The following TMEFF1 variants were observed in gnomAD, a reference collection of about 807,000 sequenced individuals.
TMEFF1 encodes the protein transmembrane protein with EGF like and two follistatin like domains 1.
A neutral mutation model predicts 47.5 loss-of-function variants in TMEFF1; 20 were observed. The observed-to-expected ratio is 0.42, with a 90% CI of 0.30 to 0.61. The LOEUF (loss-of-function observed/expected upper bound fraction) is 0.61, where lower values mean the gene tolerates loss of function less well. Among genes scored for constraint, TMEFF1 ranks in the 20% least tolerant of loss-of-function variants. The probability of loss-of-function intolerance (pLI) is 0.19; values close to 1 mark genes in which losing one functional copy is unlikely to be tolerated. For missense variants in TMEFF1, 411 were observed against 471.1 expected, an observed-to-expected ratio of 0.87 and a Z score of 1.18; for synonymous variants, 162 against 166.3, an observed-to-expected ratio of 0.97 and a Z score of 0.20.
chr9:100,530,957 A>G (rs550954358), intron 5 of TMEFF1, among the ~76,000 whole-genome samples: 58 of 152,128 alleles, frequency 3.8e-4, no homozygotes, highest in African/African-American at 1.4e-3. Context: ...AATGTAATCC[A>G]GCATATAAAC....
intron 8 of TMEFF1, among the ~76,000 whole-genome samples, chr9:100,567,451 C>T (rs937677641): frequency 6.6e-6 from 1 of 152,228 alleles, no homozygotes; most frequent in African/African-American, 2.4e-5. Flanking sequence ...GTGCATATCA[C>T]CTTCTAACAT....
intron 8 of TMEFF1, among the ~76,000 whole-genome samples, chr9:100,567,720 A>G (rs1362544659): frequency 1.3e-5 from 2 of 152,188 alleles, no homozygotes; most frequent in African/African-American, 4.8e-5. Context: ...TTAATCAGTA[A>G]CAGAAGAAGA....
At chr9:100,531,867 A>G (rs1229976073) in intron 5 of TMEFF1, among the ~76,000 whole-genome samples, 3 of 152,038 alleles carry the variant, frequency 2.0e-5, no homozygotes, top group East Asian at 3.9e-4. Flanking sequence ...TAACCAAAAC[A>G]GCATGGTACT....
At chr9:100,561,038 G>A (rs949388813) in intron 7 of TMEFF1, among the ~76,000 whole-genome samples, 7 of 152,150 alleles carry the variant, frequency 4.6e-5, no homozygotes, top group East Asian at 1.9e-4. Context: ...CCAATTCTAT[G>A]TACACCATCT....
At chr9:100,507,055 G>A (rs2118352454) in intron 2 of TMEFF1, among the ~76,000 whole-genome samples, 1 of 152,082 alleles carries the variant, frequency 6.6e-6, no homozygotes, top group East Asian at 1.9e-4. Context: ...TCCAGTGTCT[G>A]TTGTTCCCAT....
At chr9:100,490,623 C>T (rs377744820) in intron 1 of TMEFF1, among the ~76,000 whole-genome samples, 1 of 151,908 alleles carries the variant, frequency 6.6e-6, no homozygotes, top group East Asian at 1.9e-4. Context: ...GAACTTGGCC[C>T]TTCCTGATAT....
chr9:100,535,826 T>C (rs2118469746), intron 5 of TMEFF1, among the ~76,000 whole-genome samples: 1 of 152,322 alleles, frequency 6.6e-6, no homozygotes, highest in East Asian at 1.9e-4. Context: ...TTTACCAGAT[T>C]GCTCTTTGAA....
intron 8 of TMEFF1, among the ~76,000 whole-genome samples, chr9:100,565,126 T>A (rs1205302613): frequency 6.6e-6 from 1 of 152,144 alleles, no homozygotes; most frequent in Non-Finnish European, 1.5e-5. Flanking sequence ...CTGCTGGATA[T>A]ATTTTAGTTT....
chr9:100,494,613 AAC>A (rs1243316000), intron 1 of TMEFF1, among the ~76,000 whole-genome samples: 1 of 152,136 alleles, frequency 6.6e-6, no homozygotes. Context: ...CAAGGAAAAA[AAC>A]AGAGGAAGAA....
In TMEFF1 at chr9:100,497,320, C is replaced by CTTTTTTTTT. The variant is rs752427622; in HGVS notation, c.197-1429_197-1421dup. 3.6e-3 allele frequency among the ~76,000 whole-genome samples: 213 copies of CTTTTTTTTT among 59,528 alleles called. 23 individuals carry two copies. Among genetic ancestry groups the CTTTTTTTTT allele is most frequent in the African/African-American group, 0.013 (184 of 14,656 alleles). 39.1% of individuals were successfully genotyped at this position (59,528 alleles called of 152,430 possible). On this transcript the variant is annotated intron_variant, in intron 1 of 9. Transcript: ENST00000374879. ...TCTTGCTTTAAGTTTCCACTCATGT[C>CTTTTTTTTT]TTTTTTTTTTTTTTTTTTTTTTTTG... is the stretch of plus-strand genomic sequence containing the variant.
intron 8 of TMEFF1, among the ~76,000 whole-genome samples, chr9:100,570,632 A>G (rs560026616): frequency 6.7e-4 from 99 of 148,838 alleles, no homozygotes; most frequent in Non-Finnish European, 1.3e-3. Flanking sequence ...TCCATGATCC[A>G]CATACCTGCC....
intron 5 of TMEFF1, among the ~76,000 whole-genome samples, chr9:100,533,035 C>T (rs1345544843): frequency 1.5e-5 from 2 of 135,614 alleles, no homozygotes; most frequent in African/African-American, 2.9e-5. Flanking sequence ...GGGAATTGAA[C>T]AATGAGATCA....
intron 2 of TMEFF1, among the ~76,000 whole-genome samples, chr9:100,499,755 A>G (rs1837724184): frequency 6.6e-6 from 1 of 152,332 alleles, no homozygotes; most frequent in South Asian, 2.1e-4. Context: ...ACCCTTACTT[A>G]TGATACTGTA....
intron 4 of TMEFF1, among the ~76,000 whole-genome samples, chr9:100,515,971 G>C (rs868592183): frequency 6.6e-6 from 1 of 152,110 alleles, no homozygotes; most frequent in Non-Finnish European, 1.5e-5. Flanking sequence ...CCCACAAAGT[G>C]TAAGGCCCTT....
chr9:100,488,004 C>T (rs969409565), intron 1 of TMEFF1, among the ~76,000 whole-genome samples: 1 of 151,316 alleles, frequency 6.6e-6, no homozygotes, highest in African/African-American at 2.4e-5. Context: ...GGTGATTTCC[C>T]TGGGTTCTGG....
chr9:100,527,595 C>T (rs1274318500), intron 5 of TMEFF1, among the ~76,000 whole-genome samples: 1 of 152,176 alleles, frequency 6.6e-6, no homozygotes. Flanking sequence ...GTCCTACACC[C>T]ATATAGTCTC....
At chr9:100,476,015 T>A (rs1837221017) in intron 1 of TMEFF1, among the ~76,000 whole-genome samples, 1 of 152,164 alleles carries the variant, frequency 6.6e-6, no homozygotes, top group Non-Finnish European at 1.5e-5. Context: ...ACTTAATTTC[T>A]CTTAGTTTCC....
intron 5 of TMEFF1, among the ~76,000 whole-genome samples, chr9:100,527,200 T>TA (rs927405252): frequency 1.5e-4 from 22 of 151,320 alleles, no homozygotes; most frequent in African/African-American, 5.1e-4. Flanking sequence ...GTTCATGAAT[T>TA]GTCTTTTTAA....
intron 5 of TMEFF1, among the ~76,000 whole-genome samples, chr9:100,521,867 G>A (rs1432673281): frequency 6.6e-6 from 1 of 152,220 alleles, no homozygotes; most frequent in East Asian, 1.9e-4. Flanking sequence ...TAGAGATGCT[G>A]TTTCCATTTA....
Sources: allele counts gnomAD v4.1 joint callset (sites outside exome capture counted in the v4.1 genomes callset), GRCh38; gene constraint gnomAD v4.1.1; transcripts MANE v1.5; gene names NCBI Gene and HGNC (gene_info 2026-07-23, HGNC 2026-07-21).